The following RAD51B variants were observed in gnomAD, a reference collection of about 807,000 sequenced individuals.
The protein encoded by RAD51B is DNA repair protein RAD51 homolog 2.
A neutral mutation model predicts 42.2 loss-of-function variants in RAD51B; 38 were observed. That is an observed-to-expected ratio of 0.90 (90% CI 0.70 to 1.18). RAD51B has a LOEUF of 1.18. Ranked by LOEUF, RAD51B falls within the 50% of genes most tolerant of loss-of-function variation. The probability of loss-of-function intolerance (pLI) is 0.00; values close to 1 mark genes in which losing one functional copy is unlikely to be tolerated. For synonymous variants in RAD51B, 154 were observed against 145.2 expected, an observed-to-expected ratio of 1.06 and a Z score of -0.43; for missense variants, 373 against 400.7, an observed-to-expected ratio of 0.93 and a Z score of 0.59.
intron 7 of RAD51B, among the ~76,000 whole-genome samples, chr14:67,932,224 T>C (rs1431172937): frequency 6.6e-6 from 1 of 152,238 alleles, no homozygotes; most frequent in African/African-American, 2.4e-5. Context: ...TTTTCTTTCA[T>C]AGGAGATGTA....
intron 7 of RAD51B, among the ~76,000 whole-genome samples, chr14:68,034,256 A>G (rs2076088497): frequency 6.6e-6 from 1 of 151,158 alleles, no homozygotes; most frequent in African/African-American, 2.5e-5. Context: ...ATCAGTAAGA[A>G]TCATCTGCTT....
chr14:68,096,397 G>A (rs1595391057), intron 7 of RAD51B, among the ~76,000 whole-genome samples: 1 of 152,178 alleles, frequency 6.6e-6, no homozygotes. Flanking sequence ...TGGATTGTCT[G>A]CATTTTAGTT....
chr14:67,915,542 T>C (rs2044122387), intron 7 of RAD51B, among the ~76,000 whole-genome samples: 2 of 152,180 alleles, frequency 1.3e-5, no homozygotes, highest in Non-Finnish European at 2.9e-5. Flanking sequence ...AAGTATTGAG[T>C]GTGAAGGAAG....
intron 2 of RAD51B, among the ~76,000 whole-genome samples, chr14:67,825,025 C>T (rs2040768793): frequency 7.3e-6 from 1 of 137,712 alleles, no homozygotes; most frequent in Non-Finnish European, 1.5e-5. Flanking sequence ...TTGCAGTGAG[C>T]CGAGATCGTG....
chr14:68,067,150 C>T (rs2076663751), intron 7 of RAD51B, among the ~76,000 whole-genome samples: 1 of 152,046 alleles, frequency 6.6e-6, no homozygotes, highest in Non-Finnish European at 1.5e-5. Context: ...TTTACTTTTC[C>T]ATTTTTCTGG....
rs558939048 is a variant in RAD51B, at chr14:67,917,195, C to T, written c.756+29991C>T. Among the ~76,000 whole-genome samples, 14 of 152,216 alleles carry T rather than the reference C, an allele frequency of 9.2e-5. No homozygotes were observed. In the East Asian group the frequency reaches 9.6e-4, roughly 10 times the overall value. ...AACAGATTTTCTTAGGCTGTTCTTG[C>T]GTTGCTATAAAGGAATACGTGAGAC... On this transcript the variant is annotated intron_variant, in intron 7 of 10. Transcript: ENST00000471583.
chr14:67,948,474 C>G (rs1327695017), intron 7 of RAD51B, among the ~76,000 whole-genome samples: 1 of 152,136 alleles, frequency 6.6e-6, no homozygotes, highest in African/African-American at 2.4e-5. Flanking sequence ...TTACAGTATA[C>G]AGCCATACCT....
chr14:67,836,458 C>G (rs2041244985), intron 4 of RAD51B, among the ~76,000 whole-genome samples: 1 of 151,738 alleles, frequency 6.6e-6, no homozygotes, highest in Non-Finnish European at 1.5e-5. Context: ...TTAAGTCAAG[C>G]CTACATTTAA....
intron 10 of RAD51B, among the ~76,000 whole-genome samples, chr14:68,644,903 C>T (rs894219763): frequency 1.3e-5 from 2 of 152,180 alleles, no homozygotes; most frequent in African/African-American, 4.8e-5. Context: ...GTAAGTTACT[C>T]TCCTGCACAT....
In RAD51B at chr14:68,141,329, C is replaced by T. The variant is rs746177417; in HGVS notation, c.757-150555C>T. ...TTTCTAATATGGTAAATATAATCCT[C>T]CCAAGTAAAAGCTCTATAGGTCTTC... On this transcript the variant is annotated intron_variant, in intron 7 of 10. Transcript: ENST00000471583. Among the ~76,000 whole-genome samples, 129 of 152,142 alleles carry T rather than the reference C, an allele frequency of 8.5e-4. 1 individual carries two copies. Among genetic ancestry groups the T allele is most frequent in the Non-Finnish European group, 1.4e-3 (95 of 68,026 alleles).
intron 7 of RAD51B, among the ~76,000 whole-genome samples, chr14:67,906,258 A>G (rs2043778696): frequency 6.6e-6 from 1 of 152,128 alleles, no homozygotes; most frequent in African/African-American, 2.4e-5. Flanking sequence ...TTGATTAGGT[A>G]GATGAGCTTT....
chr14:67,871,869 C>CT (rs2042545303), intron 5 of RAD51B, among the ~76,000 whole-genome samples: 1 of 152,112 alleles, frequency 6.6e-6, no homozygotes, highest in Admixed American at 6.6e-5. Context: ...CAGAAGAGGC[C>CT]TTTGACAAAA....
intron 3 of RAD51B, among the ~76,000 whole-genome samples, chr14:67,826,675 A>G (rs2040843381): frequency 6.6e-6 from 1 of 151,652 alleles, no homozygotes; most frequent in Non-Finnish European, 1.5e-5. Context: ...TGAACAACAG[A>G]TATTTTCTTT....
At chr14:68,029,976 A>G (rs1297222254) in intron 7 of RAD51B, among the ~76,000 whole-genome samples, 1 of 152,246 alleles carries the variant, frequency 6.6e-6, no homozygotes, top group East Asian at 1.9e-4. Context: ...TACATTGTCA[A>G]TAAGCAATAC....
At chr14:67,823,437 A>C in intron 1 of RAD51B, 105 bp from the exon 2 acceptor site, 2 of 818,756 alleles carry the variant, frequency 2.4e-6, no homozygotes, top group Non-Finnish European at 3.9e-6. Flanking sequence ...CATATGGAGA[A>C]ACTTGAGGAA....
At chr14:68,468,150 GA>G (rs2140233060) in intron 9 of RAD51B, 21 bp from the exon 10 acceptor site, 3 of 1,608,194 alleles carry the variant, frequency 1.9e-6, no homozygotes, top group Non-Finnish European at 2.6e-6. Flanking sequence ...ACTAACCCTA[GA>G]AAAATGTGCT....
At chr14:68,663,307 A>G (rs1024773370) in intron 11 of RAD51B, among the ~76,000 whole-genome samples, 6 of 56,144 alleles carry the variant, frequency 1.1e-4, no homozygotes, top group Non-Finnish European at 2.0e-4. Context: ...CATCTCAAAA[A>G]CAAAGAGAGA....
intron 10 of RAD51B, among the ~76,000 whole-genome samples, chr14:68,580,227 G>A (rs1233115789): frequency 6.6e-6 from 1 of 152,184 alleles, no homozygotes; most frequent in Non-Finnish European, 1.5e-5. Context: ...GTTTCTCTCA[G>A]TGTAAGCCTT....
At position 68,067,622 on chromosome 14, in the gene RAD51B, T is replaced by G. The variant is rs1468851575; in HGVS notation, c.756+180418T>G. On this transcript the variant is annotated intron_variant, in intron 7 of 10. Coordinates refer to ENST00000471583, the MANE Select transcript of RAD51B (RefSeq NM_133510.4). ...GCATGATCCTTGTTCTCAAGGTTCGTACTATTCAGTATGGAAGATAAAAGG... is the reference window on the plus strand; with the variant it reads ...GCATGATCCTTGTTCTCAAGGTTCGGACTATTCAGTATGGAAGATAAAAGG... Among the ~76,000 whole-genome samples, 5 of 152,274 alleles carry G rather than the reference T, an allele frequency of 3.3e-5. No homozygotes were observed. In the East Asian group the frequency reaches 9.6e-4, roughly 29 times the overall value.
Sources: allele counts gnomAD v4.1 joint callset (sites outside exome capture counted in the v4.1 genomes callset), GRCh38; gene constraint gnomAD v4.1.1; transcripts MANE v1.5; gene names NCBI Gene and HGNC (gene_info 2026-07-23, HGNC 2026-07-21).